The following ANKHD1 variants were observed in gnomAD, a reference collection of about 807,000 sequenced individuals.
ANKHD1 encodes ankyrin repeat and KH domain-containing protein 1.
Under a neutral mutation model 230.5 loss-of-function variants are expected in ANKHD1, and 31 were observed. The ratio of observed to expected loss-of-function variants is 0.13; its 90% CI spans 0.10 to 0.18. The LOEUF is 0.18. Among genes scored for constraint, ANKHD1 ranks in the 10% least tolerant of loss-of-function variants. The probability of loss-of-function intolerance (pLI) is 1.00; values close to 1 mark genes in which losing one functional copy is unlikely to be tolerated. For missense variants in ANKHD1, 2,256 were observed against 3,071.3 expected (o/e 0.73, Z 6.27); for synonymous variants, 1,074 against 1,117.6 (o/e 0.96, Z 0.78).
At chr5:140,513,330 T>G in intron 23 of ANKHD1, 33 bp from the exon 24 acceptor site, 1 of 1,571,162 alleles carries the variant, frequency 6.4e-7, no homozygotes, top group Non-Finnish European at 8.6e-7. Flanking sequence ...CCTCTTTCAT[T>G]ATATATTTAC....
chr5:140,424,287 A>G (rs991213660), intron 1 of ANKHD1, among the ~76,000 whole-genome samples: 7 of 152,144 alleles, frequency 4.6e-5, no homozygotes, highest in Non-Finnish European at 1.0e-4. Context: ...CTATATATAC[A>G]CACACGCACT....
chr5:140,491,106 A>G (rs1751757632), intron 14 of ANKHD1, among the ~76,000 whole-genome samples: 1 of 121,200 alleles, frequency 8.3e-6, no homozygotes, highest in Non-Finnish European at 1.7e-5. Context: ...ATATATATAT[A>G]TACACACACA....
intron 31 of ANKHD1, 47 bp from the exon 32 acceptor site, chr5:140,538,039 T>C (rs369685626): frequency 1.2e-5 from 19 of 1,567,572 alleles, no homozygotes; most frequent in Non-Finnish European, 1.6e-5. Flanking sequence ...TGTTTTGTTG[T>C]TTTATCCAAA....
At chr5:140,426,729 T>C (rs1391898837) in intron 1 of ANKHD1, among the ~76,000 whole-genome samples, 3 of 152,142 alleles carry the variant, frequency 2.0e-5, no homozygotes, top group African/African-American at 7.2e-5. Flanking sequence ...TTAAAGAGCA[T>C]GCTGCCTTCA....
In ANKHD1 at chr5:140,538,088, G is replaced by A; in HGVS notation, c.7231G>A (p.Gly2411Ser). ...TTGTTTTCAATTATTCTTTCCAGAA[G>A]GCTTATCAGGTTGGTCGCAATCTGT... Reference protein sequence around the residue: ...WSFGVNAVSEGLSGWSQSVMG... With the variant: ...WSFGVNAVSESLSGWSQSVMG... The change falls in exon 32 of 34, where the codon GGC becomes AGC. Residue 2411 changes from glycine (G) to serine (S), a missense_variant and splice_region_variant. Coordinates refer to ENST00000360839, the MANE Select transcript of ANKHD1 (RefSeq NM_017747.3). 1 of 1,606,312 alleles carries A rather than the reference G, an allele frequency of 6.2e-7. No homozygotes were observed. Among genetic ancestry groups the A allele is most frequent in the Non-Finnish European group, 8.5e-7 (1 of 1,176,924 alleles).
intron 1 of ANKHD1, among the ~76,000 whole-genome samples, chr5:140,426,396 T>TG (rs1311096062): frequency 6.6e-6 from 1 of 152,230 alleles, no homozygotes; most frequent in Admixed American, 6.5e-5. Flanking sequence ...TCCAAAGTGC[T>TG]GGGGTTACAA....
intron 14 of ANKHD1, among the ~76,000 whole-genome samples, chr5:140,490,935 C>T (rs1751744075): frequency 6.6e-6 from 1 of 151,556 alleles, no homozygotes; most frequent in African/African-American, 2.4e-5. Context: ...ATCACCATAA[C>T]TTCTCTCTTG....
chr5:140,492,890 A>G (rs141092047), intron 14 of ANKHD1, among the ~76,000 whole-genome samples: 10 of 152,324 alleles, frequency 6.6e-5, no homozygotes, highest in African/African-American at 2.4e-4. Context: ...TATTTGGCAA[A>G]TACATGTCCA....
rs368537339 is a variant in ANKHD1, at chr5:140,441,496, CT to C, written c.913+364del. Among the ~76,000 whole-genome samples, 457 of 149,464 alleles carry C rather than the reference CT, an allele frequency of 3.1e-3. 1 individual carries two copies. Among genetic ancestry groups the C allele is most frequent in the Middle Eastern group, 0.014 (4 of 288 alleles). On this transcript the variant is annotated intron_variant, in intron 5 of 33. Transcript: ENST00000360839. ...GAAAGGAAAGTATTGCATGATCTCA[CT>C]TTTTTTTTTCCCCCACAGTCTTATG...
In ANKHD1 at chr5:140,473,222, G is replaced by A. The variant is rs761020220; in HGVS notation, c.1782+8446G>A. Among the ~76,000 whole-genome samples, 276 of 151,752 alleles carry A rather than the reference G, an allele frequency of 1.8e-3. 2 individuals are homozygous for A. Among genetic ancestry groups the A allele is most frequent in the Non-Finnish European group, 3.4e-3 (231 of 67,906 alleles). ...TTTTTGCATCTTTAGTAGAGACGGG[G>A]TTTCACCATGTTGGCTGGGCTGGTC... On this transcript the variant is annotated intron_variant, in intron 10 of 33. Coordinates refer to ENST00000360839, the MANE Select transcript of ANKHD1 (RefSeq NM_017747.3).
At chr5:140,471,561 A>G (rs1273417984) in intron 10 of ANKHD1, among the ~76,000 whole-genome samples, 5 of 152,214 alleles carry the variant, frequency 3.3e-5, no homozygotes, top group Non-Finnish European at 5.9e-5. Context: ...TAAGCACATC[A>G]CATAGGTAGG....
At chr5:140,460,816 C>T (rs770016115) in intron 9 of ANKHD1, among the ~76,000 whole-genome samples, 19 of 152,140 alleles carry the variant, frequency 1.2e-4, no homozygotes, top group African/African-American at 3.6e-4. Context: ...CTACCACACC[C>T]GGCCTTAAAC....
chr5:140,428,442 C>G (rs185098602), intron 1 of ANKHD1, among the ~76,000 whole-genome samples: 1 of 151,746 alleles, frequency 6.6e-6, no homozygotes, highest in African/African-American at 2.4e-5. Flanking sequence ...GAGACCAGCC[C>G]GGCCAACACA....
At chr5:140,535,260 T>C in intron 29 of ANKHD1, 102 bp from the exon 30 acceptor site, 1 of 1,467,856 alleles carries the variant, frequency 6.8e-7, no homozygotes, top group East Asian at 2.3e-5. Context: ...TATTTATTTG[T>C]TTGGTTATTT....
At chr5:140,486,441 A>T (rs577838251) in intron 13 of ANKHD1, 1 of 152,632 alleles carries the variant, frequency 6.6e-6, no homozygotes, top group African/African-American at 2.4e-5. Context: ...CCATGAAAGT[A>T]TAGGTAACAT....
At chr5:140,477,504 C>T (rs1751032667) in intron 10 of ANKHD1, among the ~76,000 whole-genome samples, 1 of 152,190 alleles carries the variant, frequency 6.6e-6, no homozygotes, top group Admixed American at 6.5e-5. Context: ...CGAAGAAACT[C>T]CTGAATCTTC....
chr5:140,472,398 C>G (rs1428082655), intron 10 of ANKHD1: 5 of 1,500,416 alleles, frequency 3.3e-6, no homozygotes, highest in Non-Finnish European at 4.4e-6. Context: ...GTTCCAGGAC[C>G]CTGCTGGGTG....
intron 11 of ANKHD1, 159 bp from the exon 12 acceptor site, chr5:140,484,962 G>A: frequency 8.5e-7 from 1 of 1,180,440 alleles, no homozygotes; most frequent in South Asian, 1.9e-5. Context: ...TTACACAGGT[G>A]TGTGTTCATT....
At chr5:140,514,552 A>G (rs1314895366) in intron 24 of ANKHD1, among the ~76,000 whole-genome samples, 2 of 152,202 alleles carry the variant, frequency 1.3e-5, no homozygotes, top group Non-Finnish European at 2.9e-5. Context: ...TATTCTTAAT[A>G]ATATATGATT....
Sources: allele counts gnomAD v4.1 joint callset (sites outside exome capture counted in the v4.1 genomes callset), GRCh38; gene constraint gnomAD v4.1.1; transcripts MANE v1.5; gene names NCBI Gene and HGNC (gene_info 2026-07-23, HGNC 2026-07-21).